Variants in MED13L observed in about 807,000 individuals in gnomAD.
MED13L encodes the protein mediator complex subunit 13L.
In MED13L, 7 loss-of-function variants were observed where a neutral mutation model predicts 220.9. The ratio of observed to expected loss-of-function variants is 0.03; its 90% CI spans 0.02 to 0.06. The LOEUF is 0.06. MED13L is among the 10% of genes least tolerant of loss of function. MED13L has a pLI of 1.00. For missense variants in MED13L, 1,965 were observed against 2,760.5 expected, an observed-to-expected ratio of 0.71 and a Z score of 6.46; for synonymous variants, 1,011 against 1,015.2, an observed-to-expected ratio of 1.00 and a Z score of 0.08.
intron 7 of MED13L, among the ~76,000 whole-genome samples, chr12:116,016,286 C>T (rs965147162): frequency 3.3e-5 from 5 of 151,998 alleles, no homozygotes; most frequent in African/African-American, 1.2e-4. Context: ...GCTGAATGGT[C>T]AGGCTTACGT....
chr12:115,963,464 C>G lies in MED13L; in HGVS notation c.6443G>C (p.Arg2148Thr), dbSNP rs887001041. The G allele has an allele frequency of 6.2e-7, 1 of 1,614,100 alleles. No homozygotes were observed. The highest frequency in any genetic ancestry group is 1.3e-5 in the African/African-American group (1 of 74,928). Residue 2148 changes from arginine to threonine, a missense_variant, in exon 30 of 31, where the codon AGG becomes ACG. Physicochemically the swap from Arg to Thr is moderately conservative, Grantham distance 71 (BLOSUM62 -1). Transcript: ENST00000281928. ...VAQTDELLPA[R>T]NSQRVPHPLD... Reference sequence around the variant, plus strand: ...AGGGTGTGGAACCCGCTGAGAATTCCTGGCAGGCAGAAGTTCGTCTGTCTG... The same window carrying G: ...AGGGTGTGGAACCCGCTGAGAATTCGTGGCAGGCAGAAGTTCGTCTGTCTG...
At chr12:116,162,068 T>C (rs1878894128) in intron 2 of MED13L, among the ~76,000 whole-genome samples, 1 of 152,318 alleles carries the variant, frequency 6.6e-6, no homozygotes, top group Non-Finnish European at 1.5e-5. Flanking sequence ...GAGTCACTCA[T>C]GCCAAATGTC....
At chr12:116,159,613 A>C (rs1878707925) in intron 2 of MED13L, among the ~76,000 whole-genome samples, 1 of 152,188 alleles carries the variant, frequency 6.6e-6, no homozygotes, top group Non-Finnish European at 1.5e-5. Flanking sequence ...TTAAGAAAAA[A>C]GCACTCAAGT....
chr12:116,064,048 G>A (rs1869723386), intron 4 of MED13L, among the ~76,000 whole-genome samples: 1 of 152,094 alleles, frequency 6.6e-6, no homozygotes, highest in Admixed American at 6.6e-5. Flanking sequence ...AAATTAGCCA[G>A]GTGTGGTGGC....
chr12:116,038,186 TA>T (rs1194273621), intron 4 of MED13L, among the ~76,000 whole-genome samples: 1 of 151,834 alleles, frequency 6.6e-6, no homozygotes, highest in Non-Finnish European at 1.5e-5. Context: ...TTTTTTTTTT[TA>T]AATATAAAAC....
At chr12:116,068,293 C>T (rs1470720337) in intron 4 of MED13L, among the ~76,000 whole-genome samples, 1 of 152,198 alleles carries the variant, frequency 6.6e-6, no homozygotes, top group Admixed American at 6.5e-5. Context: ...AGAATCTCCA[C>T]AACAGCAAGG....
intron 25 of MED13L, among the ~76,000 whole-genome samples, chr12:115,973,923 C>A (rs1876759117): frequency 6.6e-6 from 1 of 152,060 alleles, no homozygotes; most frequent in Non-Finnish European, 1.5e-5. Flanking sequence ...AAATTTGATA[C>A]CAGATTTAAC....
At position 116,246,902 on chromosome 12, in the gene MED13L, G is replaced by A. The variant is rs190929803; in HGVS notation, c.73-9197C>T. Among the ~76,000 whole-genome samples the A allele has an allele frequency of 7.8e-3, 911 of 117,504 alleles. 12 individuals carry two copies. Among genetic ancestry groups the A allele is most frequent in the Non-Finnish European group, 0.013 (702 of 54,982 alleles). 77.1% of individuals were successfully genotyped at this position (117,504 alleles called of 152,430 possible). ...GAGGGAGGTGGGGAGGTGGGGAGGC[G>A]GGAAGAAGAGGGGAGTGGGGAGAGG... On this transcript the variant is annotated intron_variant, in intron 1 of 30. Transcript: ENST00000281928.
chr12:116,085,210 T>A (rs1428693421), intron 4 of MED13L, among the ~76,000 whole-genome samples: 1 of 152,126 alleles, frequency 6.6e-6, no homozygotes, highest in African/African-American at 2.4e-5. Flanking sequence ...CAATCCAGCA[T>A]GACAGGGCAC....
At chr12:116,031,618 G>C (rs1165538268) in intron 4 of MED13L, among the ~76,000 whole-genome samples, 11 of 113,276 alleles carry the variant, frequency 9.7e-5, no homozygotes, top group African/African-American at 3.8e-4. Context: ...GAGAAGAGAA[G>C]GAGGGGAGGG....
intron 7 of MED13L, among the ~76,000 whole-genome samples, 190 bp downstream of exon 7, chr12:116,019,034 T>G (rs970537260): frequency 6.6e-6 from 1 of 152,072 alleles, no homozygotes; most frequent in East Asian, 1.9e-4. Flanking sequence ...ATGGACAGAG[T>G]TAAAATTCTG....
intron 4 of MED13L, among the ~76,000 whole-genome samples, chr12:116,080,774 C>T (rs148758483): frequency 2.9e-3 from 439 of 152,276 alleles, no homozygotes; most frequent in South Asian, 7.3e-3. Flanking sequence ...GCATATACAT[C>T]CTGTTAACAA....
intron 9 of MED13L, among the ~76,000 whole-genome samples, chr12:116,011,639 C>T (rs1370743405): frequency 1.3e-5 from 2 of 152,184 alleles, no homozygotes; most frequent in African/African-American, 2.4e-5. Flanking sequence ...AGCCTAGAGA[C>T]AAGAGTAAAG....
At chr12:116,177,026 T>C (rs906959027) in intron 2 of MED13L, among the ~76,000 whole-genome samples, 2 of 152,180 alleles carry the variant, frequency 1.3e-5, no homozygotes, top group African/African-American at 4.8e-5. Context: ...TTTTTGTTAA[T>C]TGGGTAAATT....
intron 9 of MED13L, among the ~76,000 whole-genome samples, chr12:116,010,948 C>G (rs1879357159): frequency 6.6e-6 from 1 of 150,690 alleles, no homozygotes; most frequent in Non-Finnish European, 1.5e-5. Context: ...GCGATCTCGG[C>G]TCACTGCAAC....
chr12:116,172,927 CAAA>C (rs560335454), intron 2 of MED13L, among the ~76,000 whole-genome samples: 2 of 60,014 alleles, frequency 3.3e-5, no homozygotes, highest in Admixed American at 1.6e-4. Context: ...CCATTTAAGA[CAAA>C]AAAAAAAAAA....
At chr12:116,081,204 T>C (rs1467337188) in intron 4 of MED13L, among the ~76,000 whole-genome samples, 1 of 152,220 alleles carries the variant, frequency 6.6e-6, no homozygotes, top group Non-Finnish European at 1.5e-5. Flanking sequence ...ATACATTTCC[T>C]ATAAAGTCCT....
intron 4 of MED13L, among the ~76,000 whole-genome samples, chr12:116,073,251 G>A (rs1014235295): frequency 2.6e-5 from 4 of 152,088 alleles, no homozygotes; most frequent in East Asian, 1.9e-4. Context: ...GCAATGCAAC[G>A]TAGCAGAAAG....
rs17426177 is a variant in MED13L at position 115,984,268 on chromosome 12, A to G, written c.4443T>C (p.Ser1481=). The part of the protein sequence containing the change: ...VAQKLTDELV[S]EWFNQPWSGE... The stretch of plus-strand genomic sequence containing the variant: ...CGCTCCAAGGCTGGTTAAACCACTC[A>G]CTCACAAGCTCATCTGTCAGCTTCT... Residue 1481 remains serine, a synonymous_variant, in exon 20 of 31, where the codon AGT becomes AGC. Coordinates refer to ENST00000281928, the MANE Select transcript of MED13L (RefSeq NM_015335.5). 1.2e-6 allele frequency: 2 copies of G among 1,613,944 alleles called. No homozygotes were observed. Among genetic ancestry groups the G allele is most frequent in the Non-Finnish European group, 1.7e-6 (2 of 1,179,978 alleles).
Sources: gnomAD v4.1 joint callset for allele counts (sites outside exome capture counted in the v4.1 genomes callset) on GRCh38, gnomAD v4.1.1 for gene constraint, MANE v1.5 for transcripts, NCBI Gene and HGNC (gene_info 2026-07-23, HGNC 2026-07-21) for gene names.